Variants in TBPL1 observed in about 807,000 individuals in gnomAD.
The protein encoded by TBPL1 is TATA-box binding protein like 1.
TBPL1 carries 4 observed loss-of-function variants against 22.1 expected under a neutral mutation model. The ratio of observed to expected loss-of-function variants is 0.18; its 90% CI spans 0.09 to 0.41. TBPL1 has a LOEUF of 0.41. Ranked by LOEUF, TBPL1 falls within the 10% of genes least tolerant of loss-of-function variation. TBPL1 has a pLI of 1.00. For missense variants in TBPL1, 115 were observed against 222.3 expected (o/e 0.52, Z 3.07); for synonymous variants, 64 against 71.0 (o/e 0.90, Z 0.50).
Position 133,982,799 on chromosome 6 carries a change from CTT to C in TBPL1, c.219-16_219-15del, listed in dbSNP as rs768141400. On this transcript the variant is annotated splice_polypyrimidine_tract_variant and intron_variant, in intron 3 of 6. Coordinates refer to ENST00000237264, the MANE Select transcript of TBPL1 (RefSeq NM_004865.4). The stretch of plus-strand genomic sequence containing the variant: ...TTCCTGTGTAACTGATAATCTTTTT[CTT>C]TCCTTAAAACCGTAGTGAAGAAGAA... The C allele has an allele frequency of 3.7e-6, 6 of 1,605,938 alleles. No homozygotes were observed. The South Asian group carries it at 6.8e-5, about 18-fold the overall frequency.
chr6:133,981,981 A>C (rs1381358021), intron 2 of TBPL1, among the ~76,000 whole-genome samples: 1 of 152,220 alleles, frequency 6.6e-6, no homozygotes, highest in Non-Finnish European at 1.5e-5. Context: ...CCGATGTTGA[A>C]CTTGAGTATG....
At position 133,986,941 on chromosome 6, in the gene TBPL1, C is replaced by T. The variant is rs192599925; in HGVS notation, c.482-20C>T. On this transcript the variant is annotated intron_variant, in intron 6 of 6. Transcript: ENST00000237264. ...CTTTTCCAACTCTTCTCACTCCTTC[C>T]TCCATTGTGTTTATTACAGGGCCCA... The T allele has an allele frequency of 1.1e-3, 1,772 of 1,565,632 alleles. 4 individuals carry two copies. Among genetic ancestry groups the T allele is most frequent in the Admixed American group, 2.8e-3 (151 of 54,698 alleles).
At position 133,986,945 on chromosome 6, in the gene TBPL1, A is replaced by G. The variant is rs1208791535; in HGVS notation, c.482-16A>G. 1.3e-6 allele frequency: 2 copies of G among 1,583,340 alleles called. No individual in the cohort carries two copies. Among genetic ancestry groups the G allele is most frequent in the African/African-American group, 1.4e-5 (1 of 73,576 alleles). On this transcript the variant is annotated splice_polypyrimidine_tract_variant and intron_variant, in intron 6 of 6. Transcript: ENST00000237264. ...TCCAACTCTTCTCACTCCTTCCTCC[A>G]TTGTGTTTATTACAGGGCCCAATGT...
chr6:133,969,331 A>G (rs1442927101), intron 1 of TBPL1, among the ~76,000 whole-genome samples: 1 of 148,278 alleles, frequency 6.7e-6, no homozygotes, highest in African/African-American at 2.5e-5. Flanking sequence ...AAAAAATAGT[A>G]CCTTGTAGCT....
chr6:133,952,709 G>C (rs2114305840), upstream of TBPL1: 1 of 152,234 alleles, frequency 6.6e-6, no homozygotes, highest in East Asian at 1.9e-4. The surrounding 1 kb of genome is among the most constrained non-coding windows in gnomAD (Gnocchi z 4.5). Context: ...TTTTCAGGCA[G>C]AAAACAAGTC....
intron 6 of TBPL1, among the ~76,000 whole-genome samples, chr6:133,986,182 T>G (rs1202611280): frequency 6.6e-6 from 1 of 152,120 alleles, no homozygotes; most frequent in Non-Finnish European, 1.5e-5. Flanking sequence ...GATGTGTGGT[T>G]AGGACTTTCA....
intron 1 of TBPL1, among the ~76,000 whole-genome samples, chr6:133,955,992 A>G (rs1775919411): frequency 6.6e-6 from 1 of 152,204 alleles, no homozygotes; most frequent in Non-Finnish European, 1.5e-5. Flanking sequence ...ATGTTTTTGG[A>G]GAGAGTTATT....
chr6:133,989,239 A>G lies in TBPL1; in HGVS notation c.*2199A>G, dbSNP rs1157052867. ...GAATATATATGTACAAGTTGTAAGTATTTCCCCCTTTTTATTTTTGAAAAT... is the reference window on the plus strand; with the variant it reads ...GAATATATATGTACAAGTTGTAAGTGTTTCCCCCTTTTTATTTTTGAAAAT... On this transcript the variant is annotated 3_prime_UTR_variant, in exon 7 of 7. Transcript: ENST00000237264. 1 of 152,082 alleles carries G rather than the reference A, an allele frequency of 6.6e-6. No homozygotes were observed. The highest frequency in any genetic ancestry group is 1.5e-5 in the Non-Finnish European group (1 of 68,014). The allele number at this position is 152,082 out of a possible 1,614,324, so 9.4% of individuals were successfully genotyped here. A position where few individuals can be genotyped will look rare whatever the true frequency, so the allele number is the denominator to read the frequency against.
intron 1 of TBPL1, among the ~76,000 whole-genome samples, chr6:133,973,179 G>A (rs930254061): frequency 4.6e-5 from 7 of 152,216 alleles, no homozygotes; most frequent in Admixed American, 4.6e-4. Context: ...TATAAAGGAT[G>A]TGAGGTTACT....
intron 1 of TBPL1, among the ~76,000 whole-genome samples, chr6:133,954,089 T>G (rs1410994724): frequency 2.6e-5 from 4 of 152,166 alleles, no homozygotes; most frequent in African/African-American, 9.7e-5. Flanking sequence ...GTAAATCTAA[T>G]AGGGCATGAG....
chr6:133,967,035 C>T (rs957364199), intron 1 of TBPL1, among the ~76,000 whole-genome samples: 3 of 152,274 alleles, frequency 2.0e-5, no homozygotes. Flanking sequence ...GATTTGACCC[C>T]TCCCTGCATT....
At chr6:133,957,563 A>G (rs1775948430) in intron 1 of TBPL1, among the ~76,000 whole-genome samples, 1 of 152,224 alleles carries the variant, frequency 6.6e-6, no homozygotes, top group Admixed American at 6.5e-5. Context: ...ATAAATTACA[A>G]GTATTTTCAC....
chr6:133,982,799 C>T lies in TBPL1; in HGVS notation c.219-18C>T. 1.9e-6 allele frequency: 3 copies of T among 1,605,938 alleles called. No homozygotes were observed. The highest frequency in any genetic ancestry group is 2.5e-6 in the Non-Finnish European group (3 of 1,177,824). On this transcript the variant is annotated intron_variant, in intron 3 of 6. Transcript: ENST00000237264. The stretch of plus-strand genomic sequence containing the variant: ...TTCCTGTGTAACTGATAATCTTTTT[C>T]TTTCCTTAAAACCGTAGTGAAGAAG...
chr6:133,982,131 G>A (rs1776426405), intron 2 of TBPL1, among the ~76,000 whole-genome samples: 2 of 152,204 alleles, frequency 1.3e-5, no homozygotes, highest in African/African-American at 4.8e-5. Context: ...CTCTTCAGGA[G>A]GTGACATCTG....
intron 1 of TBPL1, among the ~76,000 whole-genome samples, chr6:133,976,948 A>G (rs1372234364): frequency 6.6e-6 from 1 of 151,802 alleles, no homozygotes. Flanking sequence ...AGCCTGGGCA[A>G]CAAAGCGAGA....
rs752312341 is a variant in TBPL1, at chr6:133,980,063, ATTTTG to A, written c.-44-14_-44-10del. 3.6e-6 allele frequency: 5 copies of A among 1,388,112 alleles called. No individual in the cohort carries two copies. Among genetic ancestry groups the A allele is most frequent in the East Asian group, 2.7e-5 (1 of 37,412 alleles). The allele number at this position is 1,388,112 out of a possible 1,614,324, so 86.0% of individuals were successfully genotyped here. On this transcript the variant is annotated splice_polypyrimidine_tract_variant and intron_variant, in intron 1 of 6. Coordinates refer to ENST00000237264, the MANE Select transcript of TBPL1 (RefSeq NM_004865.4). ...AACAACATTTAAGTTTAATGACTTT[ATTTTG>A]TTTTATTTCTCAGGATGTGATCTTC...
In TBPL1 at chr6:133,989,065, T is replaced by A. The variant is rs1434528509; in HGVS notation, c.*2025T>A. The stretch of plus-strand genomic sequence containing the variant: ...AGAGGGTAAAGACAGTGTGACCAGG[T>A]TTGTTTTCAGGGCTGCCGAATGAGC... On this transcript the variant is annotated 3_prime_UTR_variant, in exon 7 of 7. Coordinates refer to ENST00000237264, the MANE Select transcript of TBPL1 (RefSeq NM_004865.4). 2.6e-5 allele frequency: 4 copies of A among 152,038 alleles called. No homozygotes were observed. In the East Asian group the frequency reaches 7.7e-4, roughly 29 times the overall value. The allele number at this position is 152,038 out of a possible 1,614,324, so 9.4% of individuals were successfully genotyped here.
intron 6 of TBPL1, among the ~76,000 whole-genome samples, chr6:133,985,086 T>G (rs1776483454): frequency 6.6e-6 from 1 of 151,460 alleles, no homozygotes; most frequent in African/African-American, 2.4e-5. Context: ...AAGACCATCC[T>G]GGCCAACATG....
chr6:133,982,470 C>T, intron 2 of TBPL1, 98 bp from the exon 3 acceptor site: 1 of 1,016,054 alleles, frequency 9.8e-7, no homozygotes, highest in Non-Finnish European at 1.4e-6. Context: ...CTTGGATAAG[C>T]TTGGAGAGTA....
Sources: gnomAD v4.1 joint callset for allele counts (sites outside exome capture counted in the v4.1 genomes callset) on GRCh38, gnomAD v4.1.1 for gene constraint, Gnocchi (gnomAD v3.1) non-coding constraint, MANE v1.5 for transcripts, NCBI Gene and HGNC (gene_info 2026-07-23, HGNC 2026-07-21) for gene names.